DOCK2: variants seen among roughly 807,000 people sequenced by gnomAD.
DOCK2 encodes the protein dedicator of cytokinesis 2.
A neutral mutation model predicts 248.9 loss-of-function variants in DOCK2; 87 were observed. That is an observed-to-expected ratio of 0.35 (90% CI 0.29 to 0.42). DOCK2 has a LOEUF of 0.42. DOCK2 is among the 10% of genes least tolerant of loss of function. The pLI is 1.00. For synonymous variants in DOCK2, 805 were observed against 821.6 expected (o/e 0.98, Z 0.35); for missense variants, 1,747 against 2,300.2 (o/e 0.76, Z 4.92).
intron 34 of DOCK2, among the ~76,000 whole-genome samples, chr5:170,034,156 C>T (rs1309283500): frequency 1.3e-5 from 2 of 152,130 alleles, no homozygotes; most frequent in South Asian, 4.1e-4. Context: ...GTAAAAGTGA[C>T]CATCTCCCCC....
At position 169,668,526 on chromosome 5, in the gene DOCK2, T is replaced by C. The variant is rs1289424977; in HGVS notation, c.128-762T>C. On this transcript the variant is annotated intron_variant, in intron 2 of 51. Transcript: ENST00000520908. ...ATGAGGGGTCTGCTAGTGAGGCTCCTGACAGACGCGTTTTATTTACAAAGA... is the reference window on the plus strand; with the variant it reads ...ATGAGGGGTCTGCTAGTGAGGCTCCCGACAGACGCGTTTTATTTACAAAGA... Among the ~76,000 whole-genome samples the C allele has an allele frequency of 3.9e-5, 6 of 152,294 alleles. 1 individual carries two copies. The East Asian group carries it at 1.2e-3, about 29-fold the overall frequency.
At chr5:170,042,199 T>G (rs1756542352) in intron 38 of DOCK2, 67 bp downstream of exon 38, 1 of 1,498,766 alleles carries the variant, frequency 6.7e-7, no homozygotes, top group Non-Finnish European at 9.0e-7. Flanking sequence ...CTCCCATACC[T>G]TACATCCAAT....
chr5:169,790,385 TA>T (rs1357924080), intron 25 of DOCK2, among the ~76,000 whole-genome samples: 1 of 152,136 alleles, frequency 6.6e-6, no homozygotes, highest in Non-Finnish European at 1.5e-5. Context: ...AAACAGAAAT[TA>T]AAAAGGACAT....
At chr5:169,887,388 ATC>A (rs1773033089) in intron 27 of DOCK2, among the ~76,000 whole-genome samples, 1 of 152,226 alleles carries the variant, frequency 6.6e-6, no homozygotes, top group African/African-American at 2.4e-5. Flanking sequence ...ATCACCTGAA[ATC>A]TTACCACCCA....
At chr5:169,995,998 A>T in intron 29 of DOCK2, 88 bp from the exon 30 acceptor site, 1 of 1,411,332 alleles carries the variant, frequency 7.1e-7, no homozygotes, top group Admixed American at 2.0e-5. Context: ...CTCTCCAAAG[A>T]GGGTAAGGGA....
intron 7 of DOCK2, 45 bp downstream of exon 7, chr5:169,681,924 A>G (rs575335675): frequency 6.2e-7 from 1 of 1,604,998 alleles, no homozygotes; most frequent in South Asian, 1.1e-5. Flanking sequence ...ACAATCATTT[A>G]GCACATCATA....
intron 27 of DOCK2, among the ~76,000 whole-genome samples, chr5:169,961,823 C>T (rs1330398504): frequency 6.6e-6 from 1 of 151,384 alleles, no homozygotes; most frequent in Non-Finnish European, 1.5e-5. Context: ...ACTAAAAATA[C>T]AAAAAATTAG....
At chr5:169,912,350 C>T (rs2113623325) in intron 27 of DOCK2, among the ~76,000 whole-genome samples, 1 of 152,216 alleles carries the variant, frequency 6.6e-6, no homozygotes, top group Non-Finnish European at 1.5e-5. Flanking sequence ...TGAAGGGTGG[C>T]TCTTATTTAC....
intron 5 of DOCK2, among the ~76,000 whole-genome samples, chr5:169,671,547 T>A (rs571813093): frequency 6.6e-6 from 1 of 152,242 alleles, no homozygotes; most frequent in Non-Finnish European, 1.5e-5. Flanking sequence ...TGATAACACA[T>A]TGAGAAATAC....
chr5:170,041,866 CAGAAATAAGCTGAGTT>C, intron 37 of DOCK2, 131 bp from the exon 38 acceptor site: 1 of 1,046,950 alleles, frequency 9.6e-7, no homozygotes, highest in Admixed American at 3.1e-5. Context: ...CCCAAGTTTC[CAGAAATAAGCTGAGTT>C]CAAGAAAGGA....
intron 27 of DOCK2, among the ~76,000 whole-genome samples, chr5:169,890,144 C>T (rs1394971845): frequency 2.0e-5 from 3 of 152,218 alleles, no homozygotes; most frequent in African/African-American, 7.2e-5. Flanking sequence ...TGCTGCCAGC[C>T]TCGGGGCTCT....
At chr5:169,893,428 A>G (rs954490431) in intron 27 of DOCK2, among the ~76,000 whole-genome samples, 2 of 143,040 alleles carry the variant, frequency 1.4e-5, no homozygotes, top group South Asian at 4.3e-4. Flanking sequence ...TTTTTCTGAT[A>G]TTTTTCAATC....
intron 51 of DOCK2, among the ~76,000 whole-genome samples, 165 bp downstream of exon 51, chr5:170,082,149 A>C (rs1457415171): frequency 6.6e-6 from 1 of 152,152 alleles, no homozygotes; most frequent in African/African-American, 2.4e-5. Flanking sequence ...CAATGCCCAG[A>C]GGGCAGTTCT....
intron 26 of DOCK2, among the ~76,000 whole-genome samples, chr5:169,823,873 C>G (rs912619732): frequency 1.3e-5 from 2 of 152,160 alleles, no homozygotes; most frequent in African/African-American, 4.8e-5. Flanking sequence ...TAGAAAACCC[C>G]ATTGTCTCAG....
At chr5:169,938,072 C>T (rs1029410632) in intron 27 of DOCK2, among the ~76,000 whole-genome samples, 1 of 152,222 alleles carries the variant, frequency 6.6e-6, no homozygotes, top group African/African-American at 2.4e-5. Flanking sequence ...TTATTCAGTA[C>T]ACATCTATTG....
At chr5:169,860,250 G>A (rs1167051570) in intron 27 of DOCK2, among the ~76,000 whole-genome samples, 1 of 151,968 alleles carries the variant, frequency 6.6e-6, no homozygotes, top group Non-Finnish European at 1.5e-5. Context: ...GTGAGCCATC[G>A]TGCCCACAGA....
At chr5:170,001,031 G>A (rs1447155713) in intron 30 of DOCK2, among the ~76,000 whole-genome samples, 2 of 152,144 alleles carry the variant, frequency 1.3e-5, no homozygotes, top group Non-Finnish European at 2.9e-5. Context: ...GTTCCACCAG[G>A]CAGAACGGTG....
intron 25 of DOCK2, among the ~76,000 whole-genome samples, chr5:169,793,016 G>A (rs187053967): frequency 1.0e-3 from 158 of 152,266 alleles, no homozygotes; most frequent in African/African-American, 3.6e-3. Flanking sequence ...CACTATTTAT[G>A]TCCTAGTAGC....
At chr5:169,761,997 G>A (rs371977313) in intron 25 of DOCK2, among the ~76,000 whole-genome samples, 1 of 152,216 alleles carries the variant, frequency 6.6e-6, no homozygotes, top group Non-Finnish European at 1.5e-5. Context: ...AGAATAAACT[G>A]GAGAGCTTAT....
Sources: allele counts gnomAD v4.1 joint callset (sites outside exome capture counted in the v4.1 genomes callset), GRCh38; gene constraint gnomAD v4.1.1; transcripts MANE v1.5; gene names NCBI Gene and HGNC (gene_info 2026-07-23, HGNC 2026-07-21).